Variants in ZBTB7C observed in about 807,000 individuals in gnomAD.
ZBTB7C encodes the protein zinc finger and BTB domain-containing protein 7C.
A neutral mutation model predicts 25.7 loss-of-function variants in ZBTB7C; 8 were observed. The observed-to-expected ratio is 0.31, with a 90% CI of 0.18 to 0.56. ZBTB7C has a LOEUF of 0.56. ZBTB7C is among the 20% of genes least tolerant of loss of function. The pLI is 0.91. For missense variants in ZBTB7C, 824 were observed against 855.2 expected, an observed-to-expected ratio of 0.96 and a Z score of 0.46; for synonymous variants, 394 against 369.0, an observed-to-expected ratio of 1.07 and a Z score of -0.78.
intron 1 of ZBTB7C, among the ~76,000 whole-genome samples, chr18:48,391,492 A>T (rs1381928658): frequency 1.3e-5 from 2 of 151,846 alleles, no homozygotes; most frequent in African/African-American, 4.9e-5. Flanking sequence ...TATGCAAGTC[A>T]GTCAACTATA....
At chr18:48,291,283 G>A (rs2045221279) in intron 2 of ZBTB7C, among the ~76,000 whole-genome samples, 1 of 151,920 alleles carries the variant, frequency 6.6e-6, no homozygotes, top group Non-Finnish European at 1.5e-5. Flanking sequence ...ACTCAGGGAG[G>A]GTGGTGGTGA....
chr18:48,285,823 T>C (rs1440431849), intron 2 of ZBTB7C, among the ~76,000 whole-genome samples: 1 of 152,018 alleles, frequency 6.6e-6, no homozygotes, highest in Non-Finnish European at 1.5e-5. Context: ...TCAAGGGCAA[T>C]TTTTTTTATT....
intron 2 of ZBTB7C, among the ~76,000 whole-genome samples, chr18:48,322,630 G>A (rs1450704479): frequency 1.3e-5 from 2 of 152,164 alleles, no homozygotes; most frequent in African/African-American, 2.4e-5. Flanking sequence ...TGTGGAAAAC[G>A]GTGTGGAGAT....
chr18:48,068,602 C>T (rs909815606), intron 3 of ZBTB7C, among the ~76,000 whole-genome samples: 5 of 152,172 alleles, frequency 3.3e-5, no homozygotes, highest in Non-Finnish European at 5.9e-5. Flanking sequence ...TTAAAACTCC[C>T]CAGGGCCTCC....
chr18:48,032,208 G>C (rs1158900534), intron 4 of ZBTB7C, among the ~76,000 whole-genome samples: 1 of 151,972 alleles, frequency 6.6e-6, no homozygotes, highest in South Asian at 2.1e-4. Context: ...CCGCTTCCCA[G>C]GTTCAAGTGA....
intron 3 of ZBTB7C, among the ~76,000 whole-genome samples, chr18:48,084,869 A>T (rs2038136029): frequency 6.6e-6 from 1 of 152,134 alleles, no homozygotes; most frequent in Admixed American, 6.5e-5. Flanking sequence ...CTGTCACCCG[A>T]ACCCCTTTGT....
At chr18:48,109,610 C>CCACA (rs34913037) in intron 3 of ZBTB7C, among the ~76,000 whole-genome samples, 1 of 151,494 alleles carries the variant, frequency 6.6e-6, no homozygotes, top group Non-Finnish European at 1.5e-5. Flanking sequence ...GTTGCAACAA[C>CCACA]CACACACACA....
intron 1 of ZBTB7C, among the ~76,000 whole-genome samples, chr18:48,344,849 C>T (rs972024917): frequency 3.3e-5 from 5 of 152,150 alleles, no homozygotes; most frequent in Non-Finnish European, 7.3e-5. Flanking sequence ...GGTAATGTAA[C>T]GACATGTGTT....
intron 1 of ZBTB7C, among the ~76,000 whole-genome samples, chr18:48,376,664 T>C (rs1186019550): frequency 6.6e-6 from 1 of 152,250 alleles, no homozygotes; most frequent in Admixed American, 6.5e-5. Context: ...GCAGTGGCTC[T>C]GCAGTCTGGG....
intron 1 of ZBTB7C, among the ~76,000 whole-genome samples, chr18:48,356,866 T>G (rs1442370148): frequency 6.6e-6 from 1 of 152,146 alleles, no homozygotes; most frequent in East Asian, 1.9e-4. Context: ...CTCCACCCTC[T>G]CAGCCCCCAC....
chr18:48,048,622 G>A (rs2036563937), intron 3 of ZBTB7C, among the ~76,000 whole-genome samples: 1 of 152,204 alleles, frequency 6.6e-6, no homozygotes, highest in Non-Finnish European at 1.5e-5. Context: ...CTGATATGTA[G>A]TCAGTGCTCA....
chr18:48,332,463 C>T (rs185842844), intron 2 of ZBTB7C, among the ~76,000 whole-genome samples: 12 of 152,156 alleles, frequency 7.9e-5, no homozygotes, highest in Middle Eastern at 3.4e-3. Context: ...GTTTGGATGG[C>T]GGGAGGCACA....
At chr18:48,136,815 C>G (rs992729444) in intron 3 of ZBTB7C, among the ~76,000 whole-genome samples, 22 of 152,124 alleles carry the variant, frequency 1.4e-4, no homozygotes, top group Non-Finnish European at 2.6e-4. Flanking sequence ...GACGCCGCCA[C>G]CCGCGCCAGC....
At chr18:48,079,668 C>T (rs1435655989) in intron 3 of ZBTB7C, among the ~76,000 whole-genome samples, 1 of 152,230 alleles carries the variant, frequency 6.6e-6, no homozygotes, top group African/African-American at 2.4e-5. Flanking sequence ...CATCAGAGCC[C>T]CTCCAGACCC....
At chr18:48,118,431 C>T (rs2039519772) in intron 3 of ZBTB7C, among the ~76,000 whole-genome samples, 1 of 152,170 alleles carries the variant, frequency 6.6e-6, no homozygotes, top group Admixed American at 6.5e-5. Context: ...GATACAAAAG[C>T]TGTTTTTATA....
intron 2 of ZBTB7C, among the ~76,000 whole-genome samples, chr18:48,272,054 C>T (rs1854631986): frequency 6.6e-6 from 1 of 152,152 alleles, no homozygotes; most frequent in Non-Finnish European, 1.5e-5. Context: ...TGATGCACCT[C>T]ATGATGGTTA....
At chr18:48,260,150 G>A (rs2044131021) in intron 2 of ZBTB7C, among the ~76,000 whole-genome samples, 1 of 152,168 alleles carries the variant, frequency 6.6e-6, no homozygotes, top group Admixed American at 6.5e-5. Context: ...ATGGAATACT[G>A]CTCAGCAATA....
At chr18:48,084,005 G>A (rs1274054447) in intron 3 of ZBTB7C, 4 of 479,694 alleles carry the variant, frequency 8.3e-6, no homozygotes, top group African/African-American at 2.1e-5. Flanking sequence ...TGTGCCTATG[G>A]AAGGTTTCCA....
At chr18:48,095,162 T>G (rs7226647) in intron 3 of ZBTB7C, among the ~76,000 whole-genome samples, 3 of 151,952 alleles carry the variant, frequency 2.0e-5, no homozygotes, top group African/African-American at 7.3e-5. Context: ...CATCAGAACT[T>G]AGACACATTC....
Sources: gnomAD v4.1 joint callset for allele counts (sites outside exome capture counted in the v4.1 genomes callset) on GRCh38, gnomAD v4.1.1 for gene constraint, MANE v1.5 for transcripts, NCBI Gene and HGNC (gene_info 2026-07-23, HGNC 2026-07-21) for gene names.